ZDHHC14: variants seen among roughly 807,000 people sequenced by gnomAD.
ZDHHC14 encodes the protein palmitoyltransferase ZDHHC14.
In ZDHHC14, 16 loss-of-function variants were observed where a neutral mutation model predicts 47.7. The ratio of observed to expected loss-of-function variants is 0.34; its 90% CI spans 0.23 to 0.51. The LOEUF (loss-of-function observed/expected upper bound fraction) is 0.51, where lower values mean the gene tolerates loss of function less well. Among genes scored for constraint, ZDHHC14 ranks in the 20% least tolerant of loss-of-function variants. ZDHHC14 has a pLI of 0.97. For missense variants in ZDHHC14, 515 were observed against 662.5 expected (o/e 0.78, Z 2.44); for synonymous variants, 293 against 278.9 (o/e 1.05, Z -0.50).
intron 2 of ZDHHC14, among the ~76,000 whole-genome samples, chr6:157,588,126 G>A (rs1582983174): frequency 1.3e-5 from 2 of 152,186 alleles, no homozygotes; most frequent in East Asian, 3.9e-4. Flanking sequence ...TGGGCGTGGT[G>A]GTGCACACCT....
chr6:157,561,841 T>C (rs939843719), intron 2 of ZDHHC14, among the ~76,000 whole-genome samples: 1 of 152,106 alleles, frequency 6.6e-6, no homozygotes, highest in African/African-American at 2.4e-5. Flanking sequence ...GTATTTTTTG[T>C]AGATAAGTGG....
chr6:157,459,647 T>A (rs572591455), intron 1 of ZDHHC14, among the ~76,000 whole-genome samples: 1 of 152,014 alleles, frequency 6.6e-6, no homozygotes, highest in Non-Finnish European at 1.5e-5. Flanking sequence ...GTAAGCTCAG[T>A]GAGCCTGGCA....
chr6:157,450,373 A>AT (rs1778776243), intron 1 of ZDHHC14, among the ~76,000 whole-genome samples: 2 of 151,940 alleles, frequency 1.3e-5, no homozygotes, highest in Admixed American at 1.3e-4. Flanking sequence ...AATTGGCTAA[A>AT]TTGTTTCATG....
At chr6:157,469,279 T>C (rs1779299208) in intron 1 of ZDHHC14, among the ~76,000 whole-genome samples, 1 of 152,172 alleles carries the variant, frequency 6.6e-6, no homozygotes, top group Non-Finnish European at 1.5e-5. Flanking sequence ...AGCCTGTGTC[T>C]GTAAAGGTGT....
intron 3 of ZDHHC14, among the ~76,000 whole-genome samples, chr6:157,595,337 G>GT (rs977817136): frequency 3.3e-5 from 5 of 151,610 alleles, no homozygotes; most frequent in Non-Finnish European, 7.4e-5. Flanking sequence ...GACTACAGGC[G>GT]TATGTCACCC....
At chr6:157,547,531 G>T (rs1434216765) in intron 2 of ZDHHC14, among the ~76,000 whole-genome samples, 1 of 150,914 alleles carries the variant, frequency 6.6e-6, no homozygotes, top group Non-Finnish European at 1.5e-5. Context: ...CCGCATCAAA[G>T]ATATCTTAAT....
At chr6:157,655,092 G>A (rs1016952675) in intron 8 of ZDHHC14, among the ~76,000 whole-genome samples, 1 of 152,164 alleles carries the variant, frequency 6.6e-6, no homozygotes, top group Non-Finnish European at 1.5e-5. Flanking sequence ...CACTGTGTAA[G>A]GGATTTGGGG....
At chr6:157,622,934 G>T (rs951743576) in intron 3 of ZDHHC14, among the ~76,000 whole-genome samples, 5 of 152,174 alleles carry the variant, frequency 3.3e-5, no homozygotes, top group African/African-American at 1.2e-4. Context: ...GGGCTCTGAG[G>T]GTGACTAGAA....
At chr6:157,564,231 GGC>G (rs1402309812) in intron 2 of ZDHHC14, among the ~76,000 whole-genome samples, 1 of 152,174 alleles carries the variant, frequency 6.6e-6, no homozygotes, top group Non-Finnish European at 1.5e-5. Context: ...GTTGGGGCAG[GGC>G]GGGGGCTTTG....
intron 5 of ZDHHC14, among the ~76,000 whole-genome samples, chr6:157,636,320 T>C (rs1776973748): frequency 8.9e-6 from 1 of 112,324 alleles, no homozygotes; most frequent in African/African-American, 3.3e-5. Flanking sequence ...ATATAAGGAC[T>C]ATATAAGGAT....
At chr6:157,562,895 C>A (rs1200696506) in intron 2 of ZDHHC14, among the ~76,000 whole-genome samples, 2 of 152,100 alleles carry the variant, frequency 1.3e-5, no homozygotes, top group Non-Finnish European at 2.9e-5. Flanking sequence ...CCCAAGCACC[C>A]ACTGTGCCCA....
At chr6:157,398,361 C>T (rs1163345939) in intron 1 of ZDHHC14, among the ~76,000 whole-genome samples, 1 of 152,178 alleles carries the variant, frequency 6.6e-6, no homozygotes, top group African/African-American at 2.4e-5. Context: ...GATGGAGGGG[C>T]AGCCTGCCAG....
At chr6:157,429,567 T>TAGGA (rs1173536338) in intron 1 of ZDHHC14, among the ~76,000 whole-genome samples, 6 of 100,050 alleles carry the variant, frequency 6.0e-5, no homozygotes, top group Non-Finnish European at 1.1e-4. Flanking sequence ...AGAAGGAAGG[T>TAGGA]AGGAAGGAAG....
At chr6:157,433,574 C>T (rs563963609) in intron 1 of ZDHHC14, among the ~76,000 whole-genome samples, 86 of 152,298 alleles carry the variant, frequency 5.6e-4, no homozygotes, top group African/African-American at 2.0e-3. Context: ...ACTGTTTTGT[C>T]CTGGTTACAA....
At chr6:157,562,735 C>T (rs1328636414) in intron 2 of ZDHHC14, among the ~76,000 whole-genome samples, 1 of 152,150 alleles carries the variant, frequency 6.6e-6, no homozygotes, top group African/African-American at 2.4e-5. Flanking sequence ...GTTTGAGAGT[C>T]ACTGACTTAA....
At chr6:157,393,770 T>C (rs1777466886) in intron 1 of ZDHHC14, among the ~76,000 whole-genome samples, 1 of 152,210 alleles carries the variant, frequency 6.6e-6, no homozygotes, top group Non-Finnish European at 1.5e-5. Context: ...CCTCTCCCAC[T>C]TACCTTTAAT....
chr6:157,442,084 ATT>A (rs1778571603), intron 1 of ZDHHC14, among the ~76,000 whole-genome samples: 1 of 152,180 alleles, frequency 6.6e-6, no homozygotes, highest in Non-Finnish European at 1.5e-5. Context: ...AATAGATTAC[ATT>A]CATAAAGTTT....
At chr6:157,519,720 C>T (rs972834464) in intron 1 of ZDHHC14, among the ~76,000 whole-genome samples, 3 of 152,208 alleles carry the variant, frequency 2.0e-5, no homozygotes, top group African/African-American at 7.2e-5. Context: ...TCAGCTCTTC[C>T]TCTGCAAAAC....
At chr6:157,405,398 A>G (rs992682042) in intron 1 of ZDHHC14, among the ~76,000 whole-genome samples, 8 of 152,062 alleles carry the variant, frequency 5.3e-5, no homozygotes, top group African/African-American at 1.9e-4. Context: ...ACGCCTGGCT[A>G]ATTTTTTGTA....
Sources: gnomAD v4.1 joint callset for allele counts (sites outside exome capture counted in the v4.1 genomes callset) on GRCh38, gnomAD v4.1.1 for gene constraint, MANE v1.5 for transcripts, NCBI Gene and HGNC (gene_info 2026-07-23, HGNC 2026-07-21) for gene names.